Variants in DNAH7 observed in about 807,000 individuals in gnomAD.
DNAH7 encodes dynein axonemal heavy chain 7, also known as axonemal beta dynein heavy chain 7.
Under a neutral mutation model 444.6 loss-of-function variants are expected in DNAH7, and 397 were observed. The ratio of observed to expected loss-of-function variants is 0.89; its 90% CI spans 0.82 to 0.97. The LOEUF is 0.97. Among genes scored for constraint, DNAH7 ranks in the 50% least tolerant of loss-of-function variants. The pLI is 0.00. For synonymous variants in DNAH7, 1,636 were observed against 1,624.4 expected, an observed-to-expected ratio of 1.01 and a Z score of -0.17; for missense variants, 4,902 against 4,800.8, an observed-to-expected ratio of 1.02 and a Z score of -0.62.
At position 195,922,037 on chromosome 2, in the gene DNAH7, C is replaced by T. The variant is rs373839568; in HGVS notation, c.3935+51G>A. On this transcript the variant is annotated intron_variant, in intron 24 of 64. Coordinates refer to ENST00000312428, the MANE Select transcript of DNAH7 (RefSeq NM_018897.3). The stretch of plus-strand genomic sequence containing the variant: ...GGTATTTTTAAATAAATCAGTGGTA[C>T]AGGGGTGAGTGAAAGTTATTTCCAA... 6.7e-4 allele frequency: 697 copies of T among 1,038,538 alleles called. 6 individuals are homozygous for T. In the South Asian group the frequency reaches 6.7e-3, roughly 10 times the overall value. The allele number at this position is 1,038,538 out of a possible 1,614,324, so 64.3% of individuals were successfully genotyped here. A position where few individuals can be genotyped will look rare whatever the true frequency, so the allele number is the denominator to read the frequency against.
At chr2:195,846,407 G>A (rs150367243) in intron 46 of DNAH7, among the ~76,000 whole-genome samples, 44 of 152,320 alleles carry the variant, frequency 2.9e-4, no homozygotes, top group African/African-American at 9.4e-4. Flanking sequence ...TACACAGCTG[G>A]TGGGAATGTA....
At chr2:195,800,390 T>C (rs776099345) in intron 54 of DNAH7, among the ~76,000 whole-genome samples, 1 of 152,220 alleles carries the variant, frequency 6.6e-6, no homozygotes, top group Non-Finnish European at 1.5e-5. Context: ...AAGGTATACA[T>C]TTATTACTCT....
intron 48 of DNAH7, among the ~76,000 whole-genome samples, chr2:195,826,928 A>G (rs1697789584): frequency 6.6e-6 from 1 of 152,026 alleles, no homozygotes; most frequent in Non-Finnish European, 1.5e-5. Context: ...CCACATCCAC[A>G]TTCCAACCAT....
At chr2:195,897,221 CTTATG>C (rs1029850873) in intron 29 of DNAH7, among the ~76,000 whole-genome samples, 22 of 152,054 alleles carry the variant, frequency 1.4e-4, no homozygotes, top group African/African-American at 5.1e-4. Flanking sequence ...AAGCTTAGTT[CTTATG>C]TTATCATAAA....
At chr2:196,002,599 T>C (rs1694107834) in intron 10 of DNAH7, among the ~76,000 whole-genome samples, 1 of 152,202 alleles carries the variant, frequency 6.6e-6, no homozygotes, top group East Asian at 1.9e-4. Context: ...TTTCAGGAGT[T>C]TCCTGAATGT....
chr2:195,778,693 CAT>C (rs1223850500), intron 58 of DNAH7, among the ~76,000 whole-genome samples: 125 of 87,644 alleles, frequency 1.4e-3, no homozygotes, highest in African/African-American at 4.5e-3. Flanking sequence ...TATATATACA[CAT>C]ATATATATAC....
chr2:195,884,477 T>G, intron 35 of DNAH7, 108 bp downstream of exon 35: 2 of 782,726 alleles, frequency 2.6e-6, no homozygotes, highest in South Asian at 3.4e-5. Flanking sequence ...TGCTGTCTCT[T>G]ATGGTAAATA....
At chr2:195,769,826 CATTTT>C (rs1010903460) in intron 61 of DNAH7, among the ~76,000 whole-genome samples, 2 of 152,078 alleles carry the variant, frequency 1.3e-5, no homozygotes, top group Admixed American at 6.5e-5. Context: ...ATAATTTATA[CATTTT>C]ATTTTCAAAT....
At chr2:195,948,168 T>G (rs931340698) in intron 19 of DNAH7, among the ~76,000 whole-genome samples, 1 of 152,174 alleles carries the variant, frequency 6.6e-6, no homozygotes, top group African/African-American at 2.4e-5. Context: ...TTGGCTTAAG[T>G]TCATTGTAGA....
At chr2:195,826,852 C>T (rs924170845) in intron 48 of DNAH7, among the ~76,000 whole-genome samples, 5 of 152,176 alleles carry the variant, frequency 3.3e-5, no homozygotes, top group African/African-American at 1.2e-4. Flanking sequence ...CAAGATCCTG[C>T]CATCTTGCAG....
At chr2:195,808,498 G>A (rs939091885) in intron 53 of DNAH7, among the ~76,000 whole-genome samples, 184 bp downstream of exon 53, 21 of 152,130 alleles carry the variant, frequency 1.4e-4, no homozygotes, top group African/African-American at 5.1e-4. Flanking sequence ...ACATTTCAAG[G>A]AGTTTGAATG....
intron 62 of DNAH7, among the ~76,000 whole-genome samples, chr2:195,754,771 C>T (rs1693990964): frequency 6.6e-6 from 1 of 152,126 alleles, no homozygotes. Context: ...CCTCAGCCTC[C>T]CAGAGTGCTG....
intron 12 of DNAH7, chr2:195,994,360 G>C (rs903876881): frequency 3.0e-6 from 2 of 671,648 alleles, no homozygotes; most frequent in Non-Finnish European, 5.1e-6. Flanking sequence ...TCTTGCAGCA[G>C]GGGAGGCAGT....
chr2:195,989,627 C>A (rs1414737278), intron 12 of DNAH7, among the ~76,000 whole-genome samples: 2 of 152,174 alleles, frequency 1.3e-5, no homozygotes, highest in Non-Finnish European at 2.9e-5. Flanking sequence ...TGCCAAATCT[C>A]ATGTTGAATT....
At chr2:195,809,356 T>C (rs1696853672) in intron 52 of DNAH7, among the ~76,000 whole-genome samples, 2 of 152,198 alleles carry the variant, frequency 1.3e-5, no homozygotes, top group Non-Finnish European at 2.9e-5. Flanking sequence ...ATAAAATCCA[T>C]AAATCTTAAA....
intron 5 of DNAH7, among the ~76,000 whole-genome samples, chr2:196,031,407 T>C (rs1696050189): frequency 6.6e-6 from 1 of 152,204 alleles, no homozygotes; most frequent in South Asian, 2.1e-4. Context: ...CTGGAAATAT[T>C]TTTCCCATTG....
chr2:195,857,227 T>C (rs920934405), intron 44 of DNAH7, 150 bp downstream of exon 44: 26 of 649,364 alleles, frequency 4.0e-5, no homozygotes, highest in Non-Finnish European at 6.2e-5. Flanking sequence ...GGCATAATCT[T>C]GCCTCCAGTA....
Position 195,960,820 on chromosome 2 carries a change from GC to G in DNAH7, c.2330del (p.Ser777ThrfsTer15). On this transcript the variant is annotated frameshift_variant, in exon 18 of 65. Transcript: ENST00000312428. LOFTEE classifies it high-confidence loss of function. Reference protein sequence around the residue: ...LRLYETAVEFSSNYRAWTEGP... With the variant: ...LRLYETAVEFXSNYRAWTEGP... ...CTTCTGTCCATGCTCTATAGTTGCT[GC>G]TAAATTCGACAGCAGTTTCATAAAG... 6.2e-7 allele frequency: 1 copy of G among 1,614,080 alleles called. No individual in the cohort carries two copies. The highest frequency in any genetic ancestry group is 1.7e-5 in the Admixed American group (1 of 60,016).
chr2:195,990,659 G>A (rs953852945), intron 12 of DNAH7, among the ~76,000 whole-genome samples: 4 of 149,082 alleles, frequency 2.7e-5, no homozygotes, highest in Non-Finnish European at 4.5e-5. Context: ...ACCCTGTCTC[G>A]AAAAAAAAAG....
Sources: allele counts gnomAD v4.1 joint callset (sites outside exome capture counted in the v4.1 genomes callset), GRCh38; gene constraint gnomAD v4.1.1; transcripts MANE v1.5; gene names NCBI Gene and HGNC (gene_info 2026-07-23, HGNC 2026-07-21).